CACNB2: variants seen among roughly 807,000 people sequenced by gnomAD.
CACNB2 encodes calcium voltage-gated channel auxiliary subunit beta 2.
In CACNB2, 42 loss-of-function variants were observed where a neutral mutation model predicts 73.3. The ratio of observed to expected loss-of-function variants is 0.57; its 90% CI spans 0.45 to 0.74. CACNB2 has a LOEUF of 0.74. CACNB2 is among the 30% of genes least tolerant of loss of function. The pLI is 0.00. For synonymous variants in CACNB2, 348 were observed against 310.3 expected, an observed-to-expected ratio of 1.12 and a Z score of -1.28; for missense variants, 940 against 853.0, an observed-to-expected ratio of 1.10 and a Z score of -1.27.
chr10:18,422,640 C>T (rs183799495), intron 3 of CACNB2, among the ~76,000 whole-genome samples: 1 of 152,130 alleles, frequency 6.6e-6, no homozygotes, highest in Non-Finnish European at 1.5e-5. Context: ...GTTTCTCTTG[C>T]CAAACATGTA....
chr10:18,376,458 A>G (rs1276073988), intron 2 of CACNB2, among the ~76,000 whole-genome samples: 1 of 152,230 alleles, frequency 6.6e-6, no homozygotes, highest in Non-Finnish European at 1.5e-5. Context: ...CAGGATGACT[A>G]TAGCCAATAA....
chr10:18,443,945 C>T (rs947363319), intron 3 of CACNB2, among the ~76,000 whole-genome samples: 1 of 152,134 alleles, frequency 6.6e-6, no homozygotes, highest in Non-Finnish European at 1.5e-5. Flanking sequence ...GAATGCCTAA[C>T]CTCGAGCAAT....
rs149586418 is a variant in CACNB2 at position 18,518,939 on chromosome 10, T to C, written c.915T>C (p.Phe305=). 770 of 1,614,018 alleles carry C rather than the reference T, an allele frequency of 4.8e-4. 1 individual carries two copies. The African/African-American group carries it at 8.8e-3, about 18-fold the overall frequency. ...CAGATATGATGCAAAAAGCGCTGTTTGATTTTTTAAAACACAGATTTGAAG... is the reference window on the plus strand; with the variant it reads ...CAGATATGATGCAAAAAGCGCTGTTCGATTTTTTAAAACACAGATTTGAAG... The part of the protein sequence containing the change: ...EVTDMMQKAL[F]DFLKHRFEGR... Residue 305 remains phenylalanine (F), a synonymous_variant, in exon 9 of 14, where the codon TTT becomes TTC. Coordinates refer to ENST00000324631, the MANE Select transcript of CACNB2 (RefSeq NM_201596.3).
chr10:18,396,497 A>G (rs1212351764), intron 2 of CACNB2, among the ~76,000 whole-genome samples: 1 of 152,078 alleles, frequency 6.6e-6, no homozygotes, highest in Non-Finnish European at 1.5e-5. Flanking sequence ...ATTGAGACGG[A>G]GTCTCGCTCT....
chr10:18,209,189 T>G (rs145930946), intron 2 of CACNB2, among the ~76,000 whole-genome samples: 42 of 152,360 alleles, frequency 2.8e-4, no homozygotes, highest in African/African-American at 8.4e-4. Flanking sequence ...AATTACTTTT[T>G]ATCACAGAAA....
intron 2 of CACNB2, among the ~76,000 whole-genome samples, chr10:18,300,712 G>T (rs1420808124): frequency 6.6e-6 from 1 of 152,158 alleles, no homozygotes; most frequent in Non-Finnish European, 1.5e-5. Context: ...AGCCGTGCAT[G>T]GTGGTGGGCA....
intron 2 of CACNB2, among the ~76,000 whole-genome samples, chr10:18,367,365 G>A (rs1438662513): frequency 6.6e-6 from 1 of 151,974 alleles, no homozygotes; most frequent in African/African-American, 2.4e-5. Flanking sequence ...ATCTTCACAC[G>A]TCTTCTGAAA....
At chr10:18,379,888 T>C (rs1229640835) in intron 2 of CACNB2, among the ~76,000 whole-genome samples, 2 of 152,144 alleles carry the variant, frequency 1.3e-5, no homozygotes, top group Non-Finnish European at 2.9e-5. Context: ...AATTTCACCA[T>C]GTTACACAGG....
At chr10:18,528,847 T>C (rs558848455) in intron 10 of CACNB2, among the ~76,000 whole-genome samples, 1 of 152,340 alleles carries the variant, frequency 6.6e-6, no homozygotes, top group Admixed American at 6.5e-5. Context: ...ACTTTTTATT[T>C]TGACTTTTTT....
At chr10:18,538,452 G>A in intron 13 of CACNB2, 87 bp downstream of exon 13, 2 of 1,164,530 alleles carry the variant, frequency 1.7e-6, no homozygotes, top group East Asian at 2.4e-5. Flanking sequence ...TCCAAGCCCA[G>A]TAGCCTGCTT....
chr10:18,437,844 T>C (rs889131736), intron 3 of CACNB2, among the ~76,000 whole-genome samples: 4 of 152,106 alleles, frequency 2.6e-5, no homozygotes, highest in Non-Finnish European at 5.9e-5. Context: ...AAATTATTTA[T>C]GGCTAGATCT....
At chr10:18,259,026 T>G (rs1054097714) in intron 2 of CACNB2, among the ~76,000 whole-genome samples, 3 of 152,212 alleles carry the variant, frequency 2.0e-5, no homozygotes, top group African/African-American at 4.8e-5. Flanking sequence ...ATTTTCCTTT[T>G]GGACCTTCAA....
intron 3 of CACNB2, among the ~76,000 whole-genome samples, chr10:18,455,697 T>A (rs1308669447): frequency 6.6e-6 from 1 of 152,200 alleles, no homozygotes; most frequent in Non-Finnish European, 1.5e-5. Context: ...TAAGGTTCCT[T>A]AAGTGTTTTA....
At chr10:18,518,720 T>C (rs910275066) in intron 8 of CACNB2, among the ~76,000 whole-genome samples, 190 bp from the exon 9 acceptor site, 2 of 152,170 alleles carry the variant, frequency 1.3e-5, no homozygotes, top group African/African-American at 4.8e-5. Flanking sequence ...CACTAAAACA[T>C]CATGATAAGT....
intron 2 of CACNB2, among the ~76,000 whole-genome samples, chr10:18,309,820 A>T (rs2039889495): frequency 6.6e-6 from 1 of 152,244 alleles, no homozygotes; most frequent in Admixed American, 6.5e-5. Context: ...ATGTCCGGAT[A>T]AACAGTCACC....
At chr10:18,278,768 C>T (rs1349057737) in intron 2 of CACNB2, among the ~76,000 whole-genome samples, 1 of 152,002 alleles carries the variant, frequency 6.6e-6, no homozygotes, top group Non-Finnish European at 1.5e-5. Context: ...GTAATCCCAG[C>T]ACTTTTGGGG....
Position 18,224,376 on chromosome 10 carries a change from G to C in CACNB2, c.213+73401G>C, listed in dbSNP as rs969955040. On this transcript the variant is annotated intron_variant, in intron 2 of 13. Transcript: ENST00000324631. ...ATTCCAATTTCTTTGTAGTCTCAAA[G>C]CTCAGCTGATATGAAATCGATTTTG... 4.0e-5 allele frequency: 6 copies of C among 150,226 alleles called. No homozygotes were observed. In the South Asian group the frequency reaches 1.3e-3, roughly 32 times the overall value. 9.3% of individuals were successfully genotyped at this position (150,226 alleles called of 1,614,324 possible). A position where few individuals can be genotyped will look rare whatever the true frequency, so the allele number is the denominator to read the frequency against.
chr10:18,380,433 A>G (rs2042965861), intron 2 of CACNB2, among the ~76,000 whole-genome samples: 1 of 150,570 alleles, frequency 6.6e-6, no homozygotes. Context: ...GAAATTGCTA[A>G]CTTGAAACAT....
chr10:18,336,617 T>A (rs1476928008), intron 2 of CACNB2, among the ~76,000 whole-genome samples: 1 of 114,608 alleles, frequency 8.7e-6, no homozygotes, highest in East Asian at 2.1e-4. Flanking sequence ...AGAGACTCCA[T>A]CTCAAAAAAA....
Sources: gnomAD v4.1 joint callset for allele counts (sites outside exome capture counted in the v4.1 genomes callset) on GRCh38, gnomAD v4.1.1 for gene constraint, MANE v1.5 for transcripts, NCBI Gene and HGNC (gene_info 2026-07-23, HGNC 2026-07-21) for gene names.